BTBD10: variants seen among roughly 807,000 people sequenced by gnomAD.
The protein encoded by BTBD10 is BTB domain containing 10, also known as BTB/POZ domain-containing protein 10.
Under a neutral mutation model 53.2 loss-of-function variants are expected in BTBD10, and 21 were observed. The ratio of observed to expected loss-of-function variants is 0.39; its 90% CI spans 0.28 to 0.57. The LOEUF is 0.57. Among genes scored for constraint, BTBD10 ranks in the 20% least tolerant of loss-of-function variants. The pLI, the probability that BTBD10 is intolerant of heterozygous loss-of-function variation, is 0.53. For missense variants in BTBD10, 360 were observed against 594.7 expected (o/e 0.61, Z 4.10); for synonymous variants, 149 against 192.7 (o/e 0.77, Z 1.88).
intron 5 of BTBD10, 72 bp from the exon 6 acceptor site, chr11:13,413,722 G>A (rs1950020409): frequency 7.1e-7 from 1 of 1,413,214 alleles, no homozygotes; most frequent in Non-Finnish European, 9.5e-7. Context: ...TATTAAGGAA[G>A]GGCTGGTAAC....
At chr11:13,391,787 T>C (rs1299427823) in intron 8 of BTBD10, among the ~76,000 whole-genome samples, 1 of 152,136 alleles carries the variant, frequency 6.6e-6, no homozygotes, top group Admixed American at 6.5e-5. Context: ...CTACTAAAAA[T>C]ACAAAAATTA....
intron 1 of BTBD10, among the ~76,000 whole-genome samples, chr11:13,451,090 C>T (rs1361282916): frequency 6.6e-6 from 1 of 152,044 alleles, no homozygotes; most frequent in Non-Finnish European, 1.5e-5. Context: ...GTGAAAGAAA[C>T]AAAGAAAAGT....
At chr11:13,448,625 T>G (rs1950793537) in intron 1 of BTBD10, among the ~76,000 whole-genome samples, 1 of 152,188 alleles carries the variant, frequency 6.6e-6, no homozygotes, top group Admixed American at 6.5e-5. Context: ...TTCTCTCCCT[T>G]TCATTCATAC....
chr11:13,421,864 C>T, intron 2 of BTBD10, 26 bp from the exon 3 acceptor site: 3 of 1,551,308 alleles, frequency 1.9e-6, no homozygotes, highest in Non-Finnish European at 2.6e-6. Context: ...GGAAAATTAA[C>T]CATAAAAGCA....
At position 13,458,280 on chromosome 11, in the gene BTBD10, G is replaced by A. The variant is rs1037235329; in HGVS notation, c.-58+4812C>T. Reference sequence around the variant, plus strand: ...TTAATATGTTGAGTTCAAGTAACACGGACAGCTGTATATATGTATATTTAT... The same window carrying A: ...TTAATATGTTGAGTTCAAGTAACACAGACAGCTGTATATATGTATATTTAT... On this transcript the variant is annotated intron_variant, in intron 1 of 8. Transcript: ENST00000278174. 2.7e-5 allele frequency among the ~76,000 whole-genome samples: 4 copies of A among 148,792 alleles called. No homozygotes were observed. In the Admixed American group the frequency reaches 2.8e-4, roughly 10 times the overall value.
At chr11:13,434,701 T>C (rs1219079309) in intron 2 of BTBD10, among the ~76,000 whole-genome samples, 1 of 152,160 alleles carries the variant, frequency 6.6e-6, no homozygotes, top group Non-Finnish European at 1.5e-5. Flanking sequence ...AATGGGAGAA[T>C]GGGAGAAAGG....
intron 8 of BTBD10, among the ~76,000 whole-genome samples, chr11:13,393,750 A>T (rs989085285): frequency 6.6e-6 from 1 of 152,138 alleles, no homozygotes; most frequent in Admixed American, 6.5e-5. Flanking sequence ...TTAAGTGGAA[A>T]TTTTTTTAAT....
intron 4 of BTBD10, among the ~76,000 whole-genome samples, chr11:13,418,292 A>T (rs1156336598): frequency 6.6e-6 from 1 of 152,118 alleles, no homozygotes; most frequent in Non-Finnish European, 1.5e-5. Context: ...TAATTGAAAA[A>T]GGAGAAAAAG....
At chr11:13,395,565 G>A (rs1246418018) in intron 8 of BTBD10, among the ~76,000 whole-genome samples, 1 of 152,094 alleles carries the variant, frequency 6.6e-6, no homozygotes, top group Non-Finnish European at 1.5e-5. Context: ...TGTCAATTTT[G>A]GCTTTTGTTG....
intron 2 of BTBD10, among the ~76,000 whole-genome samples, chr11:13,438,890 A>T (rs144185595): frequency 4.0e-4 from 61 of 152,034 alleles, no homozygotes; most frequent in African/African-American, 1.4e-3. Flanking sequence ...TGCTTTTATA[A>T]CTCTATTTAA....
At chr11:13,434,848 T>C (rs1226432562) in intron 2 of BTBD10, among the ~76,000 whole-genome samples, 1 of 152,182 alleles carries the variant, frequency 6.6e-6, no homozygotes, top group Non-Finnish European at 1.5e-5. Flanking sequence ...AGAATATGCC[T>C]CTGAAATTTA....
chr11:13,427,987 C>T (rs1020174537), intron 2 of BTBD10, among the ~76,000 whole-genome samples: 3 of 151,894 alleles, frequency 2.0e-5, no homozygotes, highest in Admixed American at 1.3e-4. Flanking sequence ...TGTAACAGTA[C>T]TTAGGGGCAA....
chr11:13,452,047 A>G (rs992159986), intron 1 of BTBD10, among the ~76,000 whole-genome samples: 7 of 152,216 alleles, frequency 4.6e-5, no homozygotes, highest in Non-Finnish European at 8.8e-5. Flanking sequence ...ATCAATAGAA[A>G]CTACCCAATC....
chr11:13,426,722 C>T (rs970299174), intron 2 of BTBD10, among the ~76,000 whole-genome samples: 1 of 151,474 alleles, frequency 6.6e-6, no homozygotes, highest in African/African-American at 2.4e-5. Context: ...AAAAGAAATA[C>T]AGTTAATATA....
chr11:13,439,253 A>T (rs1950602465), intron 2 of BTBD10, among the ~76,000 whole-genome samples: 2 of 152,086 alleles, frequency 1.3e-5, no homozygotes, highest in South Asian at 4.1e-4. Context: ...ACCTGTTAAG[A>T]TTTAAAATCT....
intron 2 of BTBD10, among the ~76,000 whole-genome samples, chr11:13,428,426 A>C (rs1245522502): frequency 6.6e-6 from 1 of 152,148 alleles, no homozygotes; most frequent in African/African-American, 2.4e-5. Flanking sequence ...AGTATTTCCC[A>C]ACTCATTCTA....
At chr11:13,418,592 T>TGTC (rs143951053) in intron 4 of BTBD10, among the ~76,000 whole-genome samples, 438 of 152,266 alleles carry the variant, frequency 2.9e-3, no homozygotes, top group African/African-American at 0.01. Flanking sequence ...TAAAGCATAG[T>TGTC]GTCAATGTTG....
chr11:13,402,684 G>T (rs78914390), intron 8 of BTBD10, among the ~76,000 whole-genome samples: 5,178 of 152,236 alleles, frequency 0.034, 288 homozygotes, highest in African/African-American at 0.12. Context: ...TAAGATGAAA[G>T]AATATTTCAT....
chr11:13,443,316 G>C lies in BTBD10; in HGVS notation c.101+1708C>G, dbSNP rs562561323. 5.3e-5 allele frequency among the ~76,000 whole-genome samples: 8 copies of C among 151,302 alleles called. No individual in the cohort carries two copies. In the South Asian group the frequency reaches 1.3e-3, roughly 24 times the overall value. ...TGTTACAGCTATCAAGAAGAGCTTT[G>C]AGTATTTGTTACTGACAATGAAACA... On this transcript the variant is annotated intron_variant, in intron 2 of 8. Transcript: ENST00000278174.
Sources: gnomAD v4.1 joint callset for allele counts (sites outside exome capture counted in the v4.1 genomes callset) on GRCh38, gnomAD v4.1.1 for gene constraint, MANE v1.5 for transcripts, NCBI Gene and HGNC (gene_info 2026-07-23, HGNC 2026-07-21) for gene names.